Variants in RS1 observed in about 807,000 individuals in gnomAD.
RS1 encodes retinoschisin.
A neutral mutation model predicts 20.8 loss-of-function variants in RS1; 2 were observed. The observed-to-expected ratio is 0.10, with a 90% CI of 0.04 to 0.30. The LOEUF (loss-of-function observed/expected upper bound fraction) is 0.30. Ranked by LOEUF, RS1 falls within the 10% of genes least tolerant of loss-of-function variation. The probability of loss-of-function intolerance (pLI) is 1.00; values close to 1 mark genes in which losing one functional copy is unlikely to be tolerated. For missense variants in RS1, 151 were observed against 189.8 expected, an observed-to-expected ratio of 0.80 and a Z score of 1.20; for synonymous variants, 70 against 75.8, an observed-to-expected ratio of 0.92 and a Z score of 0.40.
chrX:18,660,343 G>GT (rs1408355012), intron 1 of RS1, among the ~76,000 whole-genome samples: 1 of 108,410 alleles, frequency 9.2e-6, no homozygotes, highest in Admixed American at 1.0e-4. Flanking sequence ...AGCCTCCCGA[G>GT]TAGCTGGGAT....
chrX:18,653,342 C>A, intron 3 of RS1: 1 of 1,168,357 alleles, frequency 8.6e-7, no homozygotes, highest in Non-Finnish European at 1.1e-6. Flanking sequence ...TGGCCTTCTG[C>A]TCCGTGGGGG....
rs36022183 is a variant in RS1, at chrX:18,653,454, C to T, written c.184+3199G>A. The T allele has an allele frequency of 4.4e-3, 5,343 of 1,209,458 alleles. 21 individuals carry two copies. The highest frequency in any genetic ancestry group is 9.1e-3 in the Middle Eastern group (39 of 4,284). ...CAGGGTTCTCTTTCTTCGTGAGACA[C>T]GTTATGAGGGAAGCCCTGATTCACA... On this transcript the variant is annotated intron_variant, in intron 3 of 5. Coordinates refer to ENST00000379984, the MANE Select transcript of RS1 (RefSeq NM_000330.4).
chrX:18,660,170 G>A lies in RS1; in HGVS notation c.53-2505C>T, dbSNP rs766221514. Reference sequence around the variant, plus strand: ...TTCCCTCATTAATCTGTCTTTTGTCGTAGGGATCTCAGCCATGAACCTTGA... The same window carrying A: ...TTCCCTCATTAATCTGTCTTTTGTCATAGGGATCTCAGCCATGAACCTTGA... On this transcript the variant is annotated intron_variant, in intron 1 of 5. Transcript: ENST00000379984. Among the ~76,000 whole-genome samples the A allele has an allele frequency of 3.6e-5, 4 of 110,362 alleles. No homozygotes were observed. In the South Asian group the frequency reaches 1.2e-3, roughly 32 times the overall value.
chrX:18,642,209 G>C, intron 5 of RS1, 53 bp from the exon 6 acceptor site: 1 of 1,143,941 alleles, frequency 8.7e-7, no homozygotes, highest in East Asian at 3.0e-5. Flanking sequence ...GGAAAAGGAA[G>C]AAGGGTTCCT....
intron 3 of RS1, chrX:18,650,447 C>T: frequency 8.3e-7 from 1 of 1,211,941 alleles, no homozygotes; most frequent in Non-Finnish European, 1.1e-6. Context: ...AGAAGCCTCA[C>T]ACTCCGTGCG....
rs1005433341 is a variant in RS1 at position 18,671,869 on chromosome X, G to A, written c.52+148C>T. ...GAAAGCCATCCACACAAAGACAACT[G>A]TTGTTCATTAATAACACATGTTAGT... On this transcript the variant is annotated intron_variant, in intron 1 of 5. Coordinates refer to ENST00000379984, the MANE Select transcript of RS1 (RefSeq NM_000330.4). The A allele has an allele frequency of 5.5e-6, 3 of 546,691 alleles. No homozygotes were observed. In the Admixed American group the frequency reaches 8.1e-5, roughly 15 times the overall value. 45.1% of individuals were successfully genotyped at this position (546,691 alleles called of 1,213,427 possible).
rs749358875 is a variant in RS1, at chrX:18,657,217, C to CTTTTTTT, written c.78+416_78+422dup. 8.6e-3 allele frequency among the ~76,000 whole-genome samples: 560 copies of CTTTTTTT among 65,125 alleles called. 64 individuals carry two copies. Among genetic ancestry groups the CTTTTTTT allele is most frequent in the African/African-American group, 0.025 (407 of 16,233 alleles). 56.6% of individuals were successfully genotyped at this position (65,125 alleles called of 115,157 possible). ...ACAGTCACCATCACCAAAAAAAATA[C>CTTTTTTT]TTTTTTTTTTTTTTTTTTTTTGAGA... On this transcript the variant is annotated intron_variant, in intron 2 of 5. Transcript: ENST00000379984.
chrX:18,648,939 C>T (rs368387248), intron 3 of RS1, among the ~76,000 whole-genome samples: 6 of 107,056 alleles, frequency 5.6e-5, no homozygotes, highest in African/African-American at 2.0e-4. Flanking sequence ...TCCCAGCTAC[C>T]GGGGAGGCTG....
At chrX:18,649,041 C>CAA (rs746581850) in intron 3 of RS1, among the ~76,000 whole-genome samples, 3 of 50,807 alleles carry the variant, frequency 5.9e-5, no homozygotes, top group Non-Finnish European at 3.8e-5. Context: ...GACACTGTCT[C>CAA]AAAAAAAAAA....
rs191191006 is a variant in RS1 at position 18,664,355 on chromosome X, C to T, written c.53-6690G>A. ...AAAAACGTACAAAAGGGGCCGGGCG[C>T]GGTGGCTCACGCCTGTAATCCCAGC... On this transcript the variant is annotated intron_variant, in intron 1 of 5. Transcript: ENST00000379984. Among the ~76,000 whole-genome samples the T allele has an allele frequency of 1.2e-3, 133 of 112,431 alleles. 1 individual carries two copies. The highest frequency in any genetic ancestry group is 1.6e-3 in the Non-Finnish European group (84 of 53,282).
chrX:18,657,867 A>G (rs1003159509), intron 1 of RS1, among the ~76,000 whole-genome samples: 5 of 112,049 alleles, frequency 4.5e-5, no homozygotes, highest in African/African-American at 1.6e-4. Flanking sequence ...AATTAAACAG[A>G]AAGAACAAGA....
chrX:18,646,999 C>G (rs1358787153), intron 4 of RS1, among the ~76,000 whole-genome samples, 192 bp downstream of exon 4: 1 of 109,315 alleles, frequency 9.1e-6, no homozygotes, highest in East Asian at 2.9e-4. Context: ...TCACTGTAAC[C>G]TCCGCTTCCC....
intron 1 of RS1, among the ~76,000 whole-genome samples, chrX:18,671,728 A>G (rs184258036): frequency 9.0e-6 from 1 of 111,716 alleles, no homozygotes; most frequent in Non-Finnish European, 1.9e-5. Context: ...AGAATATGCC[A>G]TACTTTCTCA....
chrX:18,652,760 T>A (rs970743289), intron 3 of RS1, among the ~76,000 whole-genome samples: 1 of 112,654 alleles, frequency 8.9e-6, no homozygotes, highest in African/African-American at 3.2e-5. Flanking sequence ...GTTGCAGCTA[T>A]TAGACCTGTT....
rs1418563117 is a variant in RS1 at position 18,650,425 on chromosome X, G to C, written c.185-3093C>G. The C allele has an allele frequency of 8.3e-6, 10 of 1,210,413 alleles. No homozygotes were observed. In the African/African-American group the frequency reaches 1.6e-4, roughly 19 times the overall value. On this transcript the variant is annotated intron_variant, in intron 3 of 5. Coordinates refer to ENST00000379984, the MANE Select transcript of RS1 (RefSeq NM_000330.4). The stretch of plus-strand genomic sequence containing the variant: ...TATTTTCCAGGAGAATACTTCTGCT[G>C]TGGTGACCCAAAGAAGCCTCACACT...
At chrX:18,665,249 A>C (rs966979637) in intron 1 of RS1, among the ~76,000 whole-genome samples, 3 of 112,144 alleles carry the variant, frequency 2.7e-5, no homozygotes, top group African/African-American at 9.7e-5. Context: ...TGAGGCAGTG[A>C]GGTGCAAACC....
At chrX:18,658,777 A>G (rs1928263272) in intron 1 of RS1, among the ~76,000 whole-genome samples, 2 of 91,815 alleles carry the variant, frequency 2.2e-5, no homozygotes, top group African/African-American at 7.6e-5. Flanking sequence ...CTTTTATTAA[A>G]TCTTCATCAT....
Position 18,647,174 on chromosome X carries a change from C to G in RS1, c.326+17G>C, listed in dbSNP as rs750398322. On this transcript the variant is annotated intron_variant, in intron 4 of 5. Coordinates refer to ENST00000379984, the MANE Select transcript of RS1 (RefSeq NM_000330.4). ...TTTTTAAAAGCACATGAAAAAAAAT[C>G]CCCGGGCCCTGCTTACCCAAAGCCT... 17 of 1,207,181 alleles carry G rather than the reference C, an allele frequency of 1.4e-5. No homozygotes were observed. Among genetic ancestry groups the G allele is most frequent in the Admixed American group, 6.6e-5 (3 of 45,416 alleles).
At chrX:18,654,557 T>A (rs1171333351) in intron 3 of RS1, among the ~76,000 whole-genome samples, 1 of 112,340 alleles carries the variant, frequency 8.9e-6, no homozygotes, top group African/African-American at 3.2e-5. Flanking sequence ...CATTTCTGTC[T>A]CCTTGTCAGT....
Sources: gnomAD v4.1 joint callset for allele counts (sites outside exome capture counted in the v4.1 genomes callset) on GRCh38, gnomAD v4.1.1 for gene constraint, MANE v1.5 for transcripts, NCBI Gene and HGNC (gene_info 2026-07-23, HGNC 2026-07-21) for gene names.